IL1RAPL2: variants seen among roughly 807,000 people sequenced by gnomAD.
The protein encoded by IL1RAPL2 is X-linked interleukin-1 receptor accessory protein-like 2.
A neutral mutation model predicts 44.1 loss-of-function variants in IL1RAPL2; 3 were observed. That is an observed-to-expected ratio of 0.07 (90% CI 0.03 to 0.18). The LOEUF is 0.18. Ranked by LOEUF, IL1RAPL2 falls within the 10% of genes least tolerant of loss-of-function variation. The pLI is 1.00. For synonymous variants in IL1RAPL2, 181 were observed against 178.8 expected, an observed-to-expected ratio of 1.01 and a Z score of -0.10; for missense variants, 391 against 496.4, an observed-to-expected ratio of 0.79 and a Z score of 2.02.
chrX:104,812,309 C>G (rs1456306115), intron 2 of IL1RAPL2, among the ~76,000 whole-genome samples: 3 of 111,027 alleles, frequency 2.7e-5, no homozygotes, highest in Non-Finnish European at 3.8e-5. Flanking sequence ...AAAATGGGGA[C>G]TTACTAATGC....
chrX:104,652,702 C>G (rs1930175047), intron 1 of IL1RAPL2, among the ~76,000 whole-genome samples: 1 of 111,589 alleles, frequency 9.0e-6, no homozygotes, highest in Non-Finnish European at 1.9e-5. Flanking sequence ...TGTATTTACC[C>G]TCTTCCACTG....
intron 2 of IL1RAPL2, among the ~76,000 whole-genome samples, chrX:104,915,109 T>C (rs1287731563): frequency 1.8e-5 from 2 of 111,800 alleles, no homozygotes; most frequent in African/African-American, 6.5e-5. Context: ...TCAAATGGTA[T>C]TTCTAGTTCT....
chrX:105,543,846 A>G (rs1228927479), intron 6 of IL1RAPL2, among the ~76,000 whole-genome samples: 1 of 111,986 alleles, frequency 8.9e-6, no homozygotes. Context: ...TTGAAATCAG[A>G]AAGTGTGAGT....
At chrX:105,406,525 C>T in intron 5 of IL1RAPL2, 1 of 1,195,056 alleles carries the variant, frequency 8.4e-7, no homozygotes, top group Non-Finnish European at 1.1e-6. Flanking sequence ...CCAACCAAGT[C>T]AGAACTGCGA....
At chrX:105,316,324 A>G (rs2034841370) in intron 5 of IL1RAPL2, among the ~76,000 whole-genome samples, 1 of 111,814 alleles carries the variant, frequency 8.9e-6, no homozygotes, top group Admixed American at 9.5e-5. Flanking sequence ...GTGATGGGCC[A>G]TTATAAAAAA....
At chrX:105,099,492 T>G (rs753120042) in intron 2 of IL1RAPL2, among the ~76,000 whole-genome samples, 1 of 77,596 alleles carries the variant, frequency 1.3e-5, no homozygotes, top group African/African-American at 5.0e-5. Flanking sequence ...TGAGATGGAG[T>G]CTCGCTCTGT....
At chrX:105,521,956 G>A (rs1055616859) in intron 6 of IL1RAPL2, among the ~76,000 whole-genome samples, 2 of 111,832 alleles carry the variant, frequency 1.8e-5, no homozygotes, top group Non-Finnish European at 3.8e-5. Context: ...AATGTTTTCT[G>A]GCATTATGAA....
chrX:104,825,087 G>A lies in IL1RAPL2; in HGVS notation c.82+166092G>A, dbSNP rs745649275. 2.7e-5 allele frequency among the ~76,000 whole-genome samples: 3 copies of A among 111,587 alleles called. No homozygotes were observed. The South Asian group carries it at 1.1e-3, about 42-fold the overall frequency. ...TATTAAAGTCTAGTTGCTCAGTTAG[G>A]ATGGAAGCAGGCCTCTGTGGAAAGT... On this transcript the variant is annotated intron_variant, in intron 2 of 10. Transcript: ENST00000372582.
intron 2 of IL1RAPL2, among the ~76,000 whole-genome samples, chrX:105,108,975 C>T (rs1278771621): frequency 9.0e-6 from 1 of 111,685 alleles, no homozygotes; most frequent in Non-Finnish European, 1.9e-5. Context: ...CTCCCATTTG[C>T]TCTCCCGCTT....
intron 1 of IL1RAPL2, among the ~76,000 whole-genome samples, chrX:104,598,185 C>A (rs1928805449): frequency 1.8e-5 from 2 of 112,102 alleles, no homozygotes; most frequent in Admixed American, 9.5e-5. Context: ...GGCTTGCCTT[C>A]TTATGTCTGG....
intron 5 of IL1RAPL2, among the ~76,000 whole-genome samples, chrX:105,404,198 G>A (rs970176652): frequency 7.2e-5 from 8 of 111,670 alleles, no homozygotes; most frequent in African/African-American, 2.0e-4. Context: ...AGAGATGTGA[G>A]CCCACCTAGT....
chrX:105,413,278 A>G (rs1464720404), intron 5 of IL1RAPL2, among the ~76,000 whole-genome samples: 1 of 112,000 alleles, frequency 8.9e-6, no homozygotes, highest in Non-Finnish European at 1.9e-5. Context: ...TCACTGGAAC[A>G]TATCAGTATG....
intron 1 of IL1RAPL2, among the ~76,000 whole-genome samples, chrX:104,626,225 C>A (rs1322098517): frequency 7.3e-5 from 8 of 109,676 alleles, no homozygotes; most frequent in African/African-American, 2.7e-4. Context: ...TTTTTAGTAC[C>A]TGCTAAGTAT....
At chrX:104,649,965 T>C (rs956127213) in intron 1 of IL1RAPL2, among the ~76,000 whole-genome samples, 1 of 112,206 alleles carries the variant, frequency 8.9e-6, no homozygotes, top group African/African-American at 3.2e-5. Flanking sequence ...TTTAGTTCAA[T>C]TACAGTTTTA....
At position 104,829,830 on chromosome X, in the gene IL1RAPL2, T is replaced by C. The variant is rs535746813; in HGVS notation, c.82+170835T>C. 1.4e-3 allele frequency among the ~76,000 whole-genome samples: 158 copies of C among 112,347 alleles called. 1 individual carries two copies. The highest frequency in any genetic ancestry group is 4.7e-3 in the African/African-American group (146 of 30,989). ...GATGAAAGAGTGAATCAGTTCTTATTGACACTTAGTGCATGGACAGGTACT... is the reference window on the plus strand; with the variant it reads ...GATGAAAGAGTGAATCAGTTCTTATCGACACTTAGTGCATGGACAGGTACT... On this transcript the variant is annotated intron_variant, in intron 2 of 10. Coordinates refer to ENST00000372582, the MANE Select transcript of IL1RAPL2 (RefSeq NM_017416.2).
chrX:104,579,759 TAGAAA>T (rs1330855562), intron 1 of IL1RAPL2, among the ~76,000 whole-genome samples: 3 of 111,529 alleles, frequency 2.7e-5, no homozygotes, highest in African/African-American at 9.8e-5. Context: ...AAATAAAAGT[TAGAAA>T]AGAAACTTAG....
chrX:105,004,304 C>A (rs1383296524), intron 2 of IL1RAPL2, among the ~76,000 whole-genome samples: 1 of 110,653 alleles, frequency 9.0e-6, no homozygotes, highest in African/African-American at 3.3e-5. Flanking sequence ...AATGCTTTGA[C>A]AGGAAGAGGT....
At chrX:104,752,459 CCTT>C (rs1442577150) in intron 2 of IL1RAPL2, among the ~76,000 whole-genome samples, 2 of 110,797 alleles carry the variant, frequency 1.8e-5, no homozygotes, top group Non-Finnish European at 3.8e-5. Flanking sequence ...GCCCCACTAT[CCTT>C]CTTTGAAATT....
intron 1 of IL1RAPL2, among the ~76,000 whole-genome samples, chrX:104,606,921 G>A (rs906930249): frequency 1.8e-5 from 2 of 111,860 alleles, no homozygotes; most frequent in Admixed American, 9.5e-5. Context: ...AAAAGAGCCC[G>A]CATAGCCAAG....
Sources: gnomAD v4.1 joint callset for allele counts (sites outside exome capture counted in the v4.1 genomes callset) on GRCh38, gnomAD v4.1.1 for gene constraint, MANE v1.5 for transcripts, NCBI Gene and HGNC (gene_info 2026-07-23, HGNC 2026-07-21) for gene names.